The following CDH9 variants were observed in gnomAD, a reference collection of about 807,000 sequenced individuals.
CDH9 encodes cadherin-9.
Under a neutral mutation model 70.9 loss-of-function variants are expected in CDH9, and 28 were observed. That is an observed-to-expected ratio of 0.40 (90% confidence interval 0.29 to 0.54). The LOEUF (loss-of-function observed/expected upper bound fraction) is 0.54. CDH9 is among the 20% of genes least tolerant of loss of function. The pLI is 0.59. For synonymous variants in CDH9, 409 were observed against 343.1 expected (o/e 1.19, Z -2.12); for missense variants, 874 against 984.4 (o/e 0.89, Z 1.50).
At chr5:26,945,359 C>T (rs1024243210) in intron 2 of CDH9, among the ~76,000 whole-genome samples, 2 of 151,952 alleles carry the variant, frequency 1.3e-5, no homozygotes, top group African/African-American at 4.8e-5. Flanking sequence ...TCATTTATTG[C>T]ATGCATATCA....
intron 11 of CDH9, among the ~76,000 whole-genome samples, chr5:26,882,056 C>T (rs1740477227): frequency 6.6e-6 from 1 of 151,950 alleles, no homozygotes; most frequent in Admixed American, 6.6e-5. Context: ...AAACATTACT[C>T]ATATATAGAT....
intron 1 of CDH9, among the ~76,000 whole-genome samples, chr5:27,012,756 A>G (rs912676935): frequency 2.0e-5 from 3 of 152,044 alleles, no homozygotes; most frequent in Non-Finnish European, 2.9e-5. Flanking sequence ...TCGTGTAAAA[A>G]CACATTAGCA....
At chr5:27,032,502 T>C (rs757990623) in intron 1 of CDH9, among the ~76,000 whole-genome samples, 1 of 151,690 alleles carries the variant, frequency 6.6e-6, no homozygotes, top group Non-Finnish European at 1.5e-5. Flanking sequence ...TCACATCATC[T>C]AGATAAACTG....
At chr5:26,911,962 G>T (rs1741062791) in intron 3 of CDH9, among the ~76,000 whole-genome samples, 1 of 151,894 alleles carries the variant, frequency 6.6e-6, no homozygotes. Context: ...GAGAGAAGAA[G>T]AAGAAACAAA....
intron 1 of CDH9, among the ~76,000 whole-genome samples, chr5:27,007,216 A>T (rs1212409457): frequency 6.6e-6 from 1 of 152,064 alleles, no homozygotes; most frequent in Non-Finnish European, 1.5e-5. Context: ...AGTGTTAAAA[A>T]TTGTCTATAT....
chr5:26,903,802 A>G lies in CDH9; in HGVS notation c.834T>C (p.Pro278=), dbSNP rs1292272937. The change falls in exon 6 of 12, where the codon CCT becomes CCC. Residue 278 remains proline, a synonymous_variant. Coordinates refer to ENST00000231021, the MANE Select transcript of CDH9 (RefSeq NM_016279.4). ...FPQSTYQFNS[P]ESVPLGTHLG... is the part of the protein sequence containing the mutation. ...GATGAGTTCCAAGAGGTACAGACTC[A>G]GGAGAATTAAATTGATACGTACCTA... 5 of 1,580,972 alleles carry G rather than the reference A, an allele frequency of 3.2e-6. No homozygotes were observed. Among genetic ancestry groups the G allele is most frequent in the Non-Finnish European group, 4.3e-6 (5 of 1,163,954 alleles).
chr5:26,990,197 A>G (rs1258805205), intron 1 of CDH9, among the ~76,000 whole-genome samples: 1 of 152,166 alleles, frequency 6.6e-6, no homozygotes, highest in East Asian at 1.9e-4. Context: ...TGCTCATATT[A>G]TAGGCATAGA....
At chr5:26,889,756 C>T (rs1740623708) in intron 9 of CDH9, 80 bp downstream of exon 9, 1 of 805,936 alleles carries the variant, frequency 1.2e-6, no homozygotes, top group African/African-American at 1.8e-5. Flanking sequence ...AAAAGAAATC[C>T]TGCAAATAAA....
rs1257181655 is a variant in CDH9 at position 26,915,842 on chromosome 5, T to C, written c.311A>G (p.Asp104Gly). Residue 104 changes from aspartate to glycine, a missense_variant, in exon 3 of 12, where the codon GAT becomes GGT. Coordinates refer to ENST00000231021, the MANE Select transcript of CDH9 (RefSeq NM_016279.4). The part of the protein sequence containing the change: ...GDGAGSLFVI[D>G]ENTGDIHAAK... The stretch of plus-strand genomic sequence containing the variant: ...AGCATGAATGTCTCCTGTATTTTCA[T>C]CTATAACAAATAGACTGCCAGCCCC... 4 of 1,612,878 alleles carry C rather than the reference T, an allele frequency of 2.5e-6. No homozygotes were observed. The Admixed American group carries it at 5.0e-5, about 20-fold the overall frequency.
intron 2 of CDH9, among the ~76,000 whole-genome samples, chr5:26,926,065 C>T (rs1003051392): frequency 6.6e-6 from 1 of 152,124 alleles, no homozygotes; most frequent in Non-Finnish European, 1.5e-5. Flanking sequence ...CATTCCTATT[C>T]AACGTAGTGT....
intron 1 of CDH9, among the ~76,000 whole-genome samples, chr5:27,017,800 C>G (rs1277588792): frequency 6.6e-6 from 1 of 151,956 alleles, no homozygotes; most frequent in Admixed American, 6.6e-5. Flanking sequence ...GAGGTAGAAG[C>G]TGGCAGGAAT....
At chr5:26,900,859 T>A (rs184659105) in intron 7 of CDH9, among the ~76,000 whole-genome samples, 2 of 152,186 alleles carry the variant, frequency 1.3e-5, no homozygotes, top group Admixed American at 1.3e-4. Flanking sequence ...CATTTGTAGC[T>A]ACTGGTATGA....
chr5:26,937,055 C>A (rs1741571462), intron 2 of CDH9, among the ~76,000 whole-genome samples: 1 of 151,962 alleles, frequency 6.6e-6, no homozygotes, highest in African/African-American at 2.4e-5. Context: ...AAGTTAAAAC[C>A]ATCTACCTAG....
intron 11 of CDH9, among the ~76,000 whole-genome samples, chr5:26,884,938 G>C (rs1032553913): frequency 1.6e-4 from 25 of 152,190 alleles, no homozygotes; most frequent in African/African-American, 5.3e-4. Flanking sequence ...GCAGGGCTAG[G>C]TAGGACCACA....
chr5:26,948,897 A>C (rs1741798532), intron 2 of CDH9, among the ~76,000 whole-genome samples: 1 of 152,166 alleles, frequency 6.6e-6, no homozygotes, highest in South Asian at 2.1e-4. Flanking sequence ...ATTTCTTAGA[A>C]TCTAGAGGCA....
chr5:26,913,839 C>A, intron 3 of CDH9, among the ~76,000 whole-genome samples: 1 of 149,026 alleles, frequency 6.7e-6, no homozygotes. Flanking sequence ...TTAATAGAAC[C>A]TAGTTGTATT....
chr5:26,894,239 G>T (rs745883095), intron 7 of CDH9, among the ~76,000 whole-genome samples: 1 of 152,056 alleles, frequency 6.6e-6, no homozygotes, highest in African/African-American at 2.4e-5. Flanking sequence ...TGCATTGAAG[G>T]TCAAAGAGGA....
In CDH9 at chr5:26,881,596, T is replaced by C; in HGVS notation, c.1910A>G (p.Lys637Arg). The C allele has an allele frequency of 6.2e-7, 1 of 1,610,866 alleles. No individual in the cohort carries two copies. The highest frequency in any genetic ancestry group is 8.5e-7 in the Non-Finnish European group (1 of 1,178,940). ...LILVVLFAAL[K>R]RQRKKEPLII... ...CAGAGGTTCCTTTTTTCTTTGCCTCTTCAATGCAGCAAACAACACGACTAA... is the reference window on the plus strand; with the variant it reads ...CAGAGGTTCCTTTTTTCTTTGCCTCCTCAATGCAGCAAACAACACGACTAA... The change falls in exon 12 of 12, where the codon AAG becomes AGG. Residue 637 changes from lysine (K) to arginine (R), a missense_variant. Transcript: ENST00000231021.
At chr5:27,031,177 C>T (rs1406471767) in intron 1 of CDH9, among the ~76,000 whole-genome samples, 1 of 151,710 alleles carries the variant, frequency 6.6e-6, no homozygotes, top group African/African-American at 2.4e-5. Context: ...ATGATTACAA[C>T]TGCTATTTTA....
Sources: allele counts gnomAD v4.1 joint callset (sites outside exome capture counted in the v4.1 genomes callset), GRCh38; gene constraint gnomAD v4.1.1; transcripts MANE v1.5; gene names NCBI Gene and HGNC (gene_info 2026-07-23, HGNC 2026-07-21).